The following CCT3 variants were observed in gnomAD, a reference collection of about 807,000 sequenced individuals.
CCT3 encodes the protein T-complex protein 1 subunit gamma.
In CCT3, 10 loss-of-function variants were observed where a neutral mutation model predicts 65.3. That is an observed-to-expected ratio of 0.15 (90% CI 0.09 to 0.26). The LOEUF (loss-of-function observed/expected upper bound fraction) is 0.26. CCT3 is among the 10% of genes least tolerant of loss of function. The pLI is 1.00. For synonymous variants in CCT3, 225 were observed against 242.3 expected, an observed-to-expected ratio of 0.93 and a Z score of 0.66; for missense variants, 626 against 708.7, an observed-to-expected ratio of 0.88 and a Z score of 1.33.
intron 7 of CCT3, among the ~76,000 whole-genome samples, chr1:156,320,146 C>G (rs190586595): frequency 3.3e-5 from 5 of 152,292 alleles, no homozygotes; most frequent in Admixed American, 2.0e-4. Context: ...GTGGCTCACC[C>G]TATAATCCCA....
rs1230362443 is a variant in CCT3 at position 156,320,909 on chromosome 1, A to G, written c.539T>C (p.Val180Ala). ...ATTCTCCTCAAACTGTACCATCTTG[A>G]CAGCATCCAGGGCAATGTTGCAAGC... is the stretch of plus-strand genomic sequence containing the variant. ...SLACNIALDA[V>A]KMVQFEENGR... Residue 180 changes from valine (V) to alanine (A), a missense_variant, in exon 7 of 14, where the codon GTC becomes GCC. Physicochemically the swap from Val to Ala is moderately conservative, Grantham distance 64. Transcript: ENST00000295688. 1 of 1,613,962 alleles carries G rather than the reference A, an allele frequency of 6.2e-7. No individual in the cohort carries two copies. The highest frequency in any genetic ancestry group is 1.1e-5 in the South Asian group (1 of 91,064).
chr1:156,312,327 T>C (rs1386979445), intron 10 of CCT3, 106 bp from the exon 11 acceptor site: 6 of 1,034,724 alleles, frequency 5.8e-6, no homozygotes, highest in Admixed American at 2.6e-5. Context: ...AGTGGATTGT[T>C]GGAAACATCA....
chr1:156,310,746 GA>G, intron 12 of CCT3, 57 bp from the exon 13 acceptor site: 1 of 1,593,318 alleles, frequency 6.3e-7, no homozygotes, highest in Non-Finnish European at 8.6e-7. Context: ...CATCAGGTAA[GA>G]AATGAAGTAA....
chr1:156,317,466 C>G lies in CCT3; in HGVS notation c.841G>C (p.Asp281His). ...ACATCGGGCTTCAGTTGGATAATGT[C>G]CTCACAGAGCTGCTGGATGTACTCT... ...EEEYIQQLCEDIIQLKPDVVI... is the reference protein window; with the variant it reads ...EEEYIQQLCEHIIQLKPDVVI... The change falls in exon 9 of 14, where the codon GAC (aspartate) becomes CAC (histidine). Residue 281 changes from aspartate to histidine, a missense_variant. Physicochemically the swap from Asp to His is moderately conservative, Grantham distance 81. Transcript: ENST00000295688. 6.8e-6 allele frequency: 11 copies of G among 1,614,014 alleles called. No homozygotes were observed. Among genetic ancestry groups the G allele is most frequent in the Non-Finnish European group, 9.3e-6 (11 of 1,179,908 alleles).
chr1:156,337,063 C>G, intron 1 of CCT3: 1 of 1,283,974 alleles, frequency 7.8e-7, no homozygotes, highest in Non-Finnish European at 1.0e-6. Flanking sequence ...AAGTTACACA[C>G]AGAATGGAAA....
At chr1:156,309,434 ATT>A in intron 13 of CCT3, 131 bp from the exon 14 acceptor site, 1 of 632,440 alleles carries the variant, frequency 1.6e-6, no homozygotes, top group Non-Finnish European at 2.8e-6. Flanking sequence ...TCAGTCTTTT[ATT>A]TTTTTTTGAG....
chr1:156,333,219 G>A (rs189751242), intron 5 of CCT3: 26 of 274,190 alleles, frequency 9.5e-5, no homozygotes, highest in Admixed American at 1.5e-4. Context: ...CTTGAACCTG[G>A]GAGGCAGAGG....
chr1:156,333,128 A>C lies in CCT3; in HGVS notation c.304+419T>G, dbSNP rs898571189. 1.3e-5 allele frequency: 3 copies of C among 230,970 alleles called. No individual in the cohort carries two copies. The Admixed American group carries it at 1.6e-4, about 13-fold the overall frequency. 14.3% of individuals were successfully genotyped at this position (230,970 alleles called of 1,614,324 possible). On this transcript the variant is annotated intron_variant, in intron 5 of 13. Transcript: ENST00000295688. ...GCCAACATGGTGAAACCCTGTCTCT[A>C]CTAAAAATACAAAAATTAGCTGGGC...
intron 7 of CCT3, among the ~76,000 whole-genome samples, chr1:156,320,061 T>C (rs531113502): frequency 6.6e-5 from 10 of 152,152 alleles, no homozygotes; most frequent in South Asian, 2.1e-4. Flanking sequence ...TAGCCTCTTA[T>C]AGGTTTTTGT....
chr1:156,318,597 T>C (rs1234832146), intron 8 of CCT3, among the ~76,000 whole-genome samples: 1 of 152,152 alleles, frequency 6.6e-6, no homozygotes, highest in Non-Finnish European at 1.5e-5. Flanking sequence ...GGCAGCATGA[T>C]CGTATAAAAC....
At chr1:156,336,030 A>G (rs1665332087) in intron 1 of CCT3, 142 bp from the exon 2 acceptor site, 1 of 576,474 alleles carries the variant, frequency 1.7e-6, no homozygotes, top group Non-Finnish European at 3.0e-6. Flanking sequence ...TACACTTTAA[A>G]TAAGTGCAGT....
chr1:156,331,317 C>T (rs1665086975), intron 5 of CCT3, among the ~76,000 whole-genome samples: 2 of 147,716 alleles, frequency 1.4e-5, no homozygotes, highest in South Asian at 2.1e-4. Flanking sequence ...GAGACCCCAT[C>T]TCTACGAAAA....
intron 4 of CCT3, 127 bp from the exon 5 acceptor site, chr1:156,333,770 T>C (rs1665212269): frequency 1.5e-6 from 1 of 654,518 alleles, no homozygotes; most frequent in South Asian, 2.0e-5. Context: ...TTACCATATC[T>C]TGAAAGATTA....
intron 7 of CCT3, 86 bp downstream of exon 7, chr1:156,320,753 G>C: frequency 9.9e-7 from 1 of 1,005,058 alleles, no homozygotes; most frequent in South Asian, 1.5e-5. Flanking sequence ...CAAAACAACG[G>C]CATGAAAAAC....
At chr1:156,312,338 C>G (rs1664120531) in intron 10 of CCT3, 117 bp from the exon 11 acceptor site, 1 of 875,916 alleles carries the variant, frequency 1.1e-6, no homozygotes, top group South Asian at 1.8e-5. Flanking sequence ...GGAAACATCA[C>G]TTAAGAGGTC....
At chr1:156,336,916 GTTT>G (rs1222043127) in intron 1 of CCT3, among the ~76,000 whole-genome samples, 6 of 151,790 alleles carry the variant, frequency 4.0e-5, no homozygotes, top group African/African-American at 1.2e-4. Context: ...TCAAAATAGC[GTTT>G]TTATTTTATT....
intron 5 of CCT3, chr1:156,333,020 G>A (rs1665172237): frequency 6.0e-6 from 1 of 166,334 alleles, no homozygotes; most frequent in Non-Finnish European, 1.3e-5. Flanking sequence ...GACTTTATAG[G>A]CGTGGTGGCT....
Position 156,326,284 on chromosome 1 carries a change from A to C in CCT3, c.305-1195T>G, listed in dbSNP as rs371940680. Among the ~76,000 whole-genome samples the C allele has an allele frequency of 4.5e-4, 68 of 152,268 alleles. No homozygotes were observed. The South Asian group carries it at 0.014, about 31-fold the overall frequency. On this transcript the variant is annotated intron_variant, in intron 5 of 13. Transcript: ENST00000295688. ...GTCAAGGCTGCAGTGAGCCGTGATC[A>C]CACTATTGCACTCCAGCCTGGGCAA...
At chr1:156,313,411 T>A (rs1664168805) in intron 10 of CCT3, among the ~76,000 whole-genome samples, 1 of 147,224 alleles carries the variant, frequency 6.8e-6, no homozygotes, top group South Asian at 2.2e-4. Context: ...GGTATCTGCC[T>A]AAATACAATT....
Sources: gnomAD v4.1 joint callset for allele counts (sites outside exome capture counted in the v4.1 genomes callset) on GRCh38, gnomAD v4.1.1 for gene constraint, MANE v1.5 for transcripts, NCBI Gene and HGNC (gene_info 2026-07-23, HGNC 2026-07-21) for gene names.